The following MB21D2 variants were observed in gnomAD, a reference collection of about 807,000 sequenced individuals.
The protein encoded by MB21D2 is Mab-21 domain containing 2, also known as nucleotidyltransferase MB21D2.
Under a neutral mutation model 33.3 loss-of-function variants are expected in MB21D2, and 9 were observed. The ratio of observed to expected loss-of-function variants is 0.27; its 90% CI spans 0.16 to 0.47. The LOEUF (loss-of-function observed/expected upper bound fraction) is 0.47, where lower values mean the gene tolerates loss of function less well. Ranked by LOEUF, MB21D2 falls within the 20% of genes least tolerant of loss-of-function variation. MB21D2 has a pLI of 0.99. For synonymous variants in MB21D2, 241 were observed against 236.3 expected (o/e 1.02, Z -0.18); for missense variants, 540 against 624.6 (o/e 0.86, Z 1.44).
At chr3:192,854,567 T>C (rs538911941) in intron 1 of MB21D2, among the ~76,000 whole-genome samples, 2 of 152,322 alleles carry the variant, frequency 1.3e-5, no homozygotes, top group South Asian at 2.1e-4. Flanking sequence ...CCGATGAAGG[T>C]AGCTACAGTA....
At chr3:192,868,893 A>G (rs1713226556) in intron 1 of MB21D2, among the ~76,000 whole-genome samples, 1 of 152,242 alleles carries the variant, frequency 6.6e-6, no homozygotes, top group Non-Finnish European at 1.5e-5. Context: ...GACGTAGCCA[A>G]TGAAATGCTA....
intron 1 of MB21D2, among the ~76,000 whole-genome samples, chr3:192,884,580 G>T (rs1390709420): frequency 6.6e-6 from 1 of 151,966 alleles, no homozygotes; most frequent in Non-Finnish European, 1.5e-5. Flanking sequence ...TGTTAGCCAG[G>T]ATGGTCTTGA....
intron 1 of MB21D2, among the ~76,000 whole-genome samples, chr3:192,914,516 ATAT>A (rs1396285919): frequency 1.3e-5 from 2 of 152,194 alleles, no homozygotes; most frequent in Admixed American, 6.5e-5. Flanking sequence ...CTAATACCAA[ATAT>A]TATTAAAACA....
chr3:192,915,152 A>G (rs2108657900), intron 1 of MB21D2, among the ~76,000 whole-genome samples: 1 of 152,250 alleles, frequency 6.6e-6, no homozygotes, highest in African/African-American at 2.4e-5. Context: ...CAGATACAGA[A>G]CAAAGCCAAG....
intron 1 of MB21D2, among the ~76,000 whole-genome samples, chr3:192,815,223 C>G (rs1440774777): frequency 3.3e-5 from 5 of 152,150 alleles, no homozygotes; most frequent in African/African-American, 1.2e-4. Flanking sequence ...AACTGACTTT[C>G]AAGGTTATTT....
At chr3:192,889,921 C>T (rs2108646512) in intron 1 of MB21D2, among the ~76,000 whole-genome samples, 2 of 151,944 alleles carry the variant, frequency 1.3e-5, no homozygotes, top group East Asian at 1.9e-4. Flanking sequence ...AAAAGTGTTG[C>T]TTAGTCAGTT....
intron 1 of MB21D2, among the ~76,000 whole-genome samples, chr3:192,862,661 AC>A (rs1465900043): frequency 6.6e-6 from 1 of 152,182 alleles, no homozygotes; most frequent in Non-Finnish European, 1.5e-5. Context: ...GGGTGCTCAC[AC>A]TGAATTAAGG....
At chr3:192,864,190 A>AG (rs1363418043) in intron 1 of MB21D2, among the ~76,000 whole-genome samples, 1 of 152,212 alleles carries the variant, frequency 6.6e-6, no homozygotes, top group Non-Finnish European at 1.5e-5. Context: ...TGAGCAAGGT[A>AG]GGGAAGTACT....
chr3:192,797,520 T>C lies in MB21D2; in HGVS notation c.*866A>G, dbSNP rs1244367110. ...AACTAAGCAAATGCAAAGAATCATT[T>C]CACTGATAGAAATGGGCAAAATGAA... On this transcript the variant is annotated 3_prime_UTR_variant, in exon 2 of 2. Transcript: ENST00000392452. The C allele has an allele frequency of 1.3e-5, 2 of 152,586 alleles. 1 individual carries two copies. The highest frequency in any genetic ancestry group is 1.3e-4 in the Admixed American group (2 of 15,268). The allele number at this position is 152,586 out of a possible 1,614,324, so 9.5% of individuals were successfully genotyped here. A position where few individuals can be genotyped will look rare whatever the true frequency, so the allele number is the denominator to read the frequency against.
In MB21D2 at chr3:192,810,914, C is replaced by T. The variant is rs148329766; in HGVS notation, c.212-11264G>A. On this transcript the variant is annotated intron_variant, in intron 1 of 1. Coordinates refer to ENST00000392452, the MANE Select transcript of MB21D2 (RefSeq NM_178496.4). ...GTGTGTGTGTGCGCACGCACATGTG[C>T]GTATGACTTTGTTGATATCCTGCCC... is the stretch of plus-strand genomic sequence containing the variant. Among the ~76,000 whole-genome samples, 1,355 of 152,188 alleles carry T rather than the reference C, an allele frequency of 8.9e-3. 12 individuals carry two copies. Among genetic ancestry groups the T allele is most frequent in the Non-Finnish European group, 0.014 (966 of 68,020 alleles).
intron 1 of MB21D2, among the ~76,000 whole-genome samples, chr3:192,805,086 G>T (rs181828724): frequency 3.9e-5 from 6 of 152,166 alleles, no homozygotes; most frequent in African/African-American, 1.4e-4. Context: ...CAACATTTGC[G>T]CAAAGACCAG....
chr3:192,833,052 T>G (rs1032632230), intron 1 of MB21D2, among the ~76,000 whole-genome samples: 1 of 152,022 alleles, frequency 6.6e-6, no homozygotes, highest in Non-Finnish European at 1.5e-5. Flanking sequence ...TTTTTTTTTT[T>G]GGAAGAAAGC....
intron 1 of MB21D2, among the ~76,000 whole-genome samples, chr3:192,845,549 G>T (rs1392730345): frequency 1.3e-5 from 2 of 152,196 alleles, no homozygotes; most frequent in Non-Finnish European, 2.9e-5. Context: ...AAATCCTCCA[G>T]CTCTGCTCCT....
chr3:192,885,999 C>T lies in MB21D2; in HGVS notation c.211+31631G>A, dbSNP rs141917334. On this transcript the variant is annotated intron_variant, in intron 1 of 1. Transcript: ENST00000392452. ...CTTTGGAGATGAAGTCTCACTCTGT[C>T]GCCCAGGCTGCAGTACAGTGGCGCG... Among the ~76,000 whole-genome samples, 457 of 152,164 alleles carry T rather than the reference C, an allele frequency of 3.0e-3. 1 individual carries two copies. The highest frequency in any genetic ancestry group is 0.01 in the African/African-American group (421 of 41,466).
At chr3:192,899,896 G>A (rs915549801) in intron 1 of MB21D2, among the ~76,000 whole-genome samples, 3 of 130,928 alleles carry the variant, frequency 2.3e-5, no homozygotes, top group Non-Finnish European at 5.0e-5. Context: ...CTGACCTTAT[G>A]TCACCTTTGA....
At chr3:192,817,879 C>G (rs7614128) in intron 1 of MB21D2, among the ~76,000 whole-genome samples, 2 of 150,186 alleles carry the variant, frequency 1.3e-5, no homozygotes, top group Non-Finnish European at 3.0e-5. Flanking sequence ...AGGCCTCCCC[C>G]ACTCTGAGGC....
intron 1 of MB21D2, among the ~76,000 whole-genome samples, chr3:192,876,774 C>T (rs1036038646): frequency 6.6e-6 from 1 of 152,160 alleles, no homozygotes; most frequent in African/African-American, 2.4e-5. Flanking sequence ...AGTGCTCTTT[C>T]TTTCCCACTC....
At chr3:192,854,944 T>C (rs1195402061) in intron 1 of MB21D2, among the ~76,000 whole-genome samples, 1 of 152,218 alleles carries the variant, frequency 6.6e-6, no homozygotes, top group Non-Finnish European at 1.5e-5. Flanking sequence ...TCACTGACAA[T>C]GCACTTGGTC....
intron 1 of MB21D2, among the ~76,000 whole-genome samples, chr3:192,902,792 C>A (rs1416849345): frequency 6.6e-6 from 1 of 152,216 alleles, no homozygotes; most frequent in East Asian, 1.9e-4. Context: ...TCAGCCCATG[C>A]AGCGGCAACT....
Sources: gnomAD v4.1 joint callset for allele counts (sites outside exome capture counted in the v4.1 genomes callset) on GRCh38, gnomAD v4.1.1 for gene constraint, MANE v1.5 for transcripts, NCBI Gene and HGNC (gene_info 2026-07-23, HGNC 2026-07-21) for gene names.